The following RBFOX1 variants were observed in gnomAD, a reference collection of about 807,000 sequenced individuals.
The protein encoded by RBFOX1 is RNA binding fox-1 homolog 1, also known as RNA binding protein fox-1 homolog 1.
Under a neutral mutation model 57.7 loss-of-function variants are expected in RBFOX1, and 8 were observed. The observed-to-expected ratio is 0.14, with a 90% CI of 0.08 to 0.25. The LOEUF (loss-of-function observed/expected upper bound fraction) is 0.25, where lower values mean the gene tolerates loss of function less well. Among genes scored for constraint, RBFOX1 ranks in the 10% least tolerant of loss-of-function variants. The probability of loss-of-function intolerance (pLI) is 1.00; values close to 1 mark genes in which losing one functional copy is unlikely to be tolerated. For synonymous variants in RBFOX1, 326 were observed against 222.4 expected (o/e 1.47, Z -4.15); for missense variants, 611 against 548.5 (o/e 1.11, Z -1.14).
At chr16:6,619,701 T>C (rs1475731754) in intron 2 of RBFOX1, among the ~76,000 whole-genome samples, 1 of 151,292 alleles carries the variant, frequency 6.6e-6, no homozygotes, top group Non-Finnish European at 1.5e-5. Context: ...TTTTTTTTTT[T>C]TTTTTTTAAT....
intron 1 of RBFOX1, among the ~76,000 whole-genome samples, chr16:5,313,758 G>A (rs1054311126): frequency 6.6e-6 from 1 of 152,142 alleles, no homozygotes; most frequent in East Asian, 1.9e-4. Context: ...GAGAAAGACT[G>A]GCCCCCATGA....
chr16:7,437,817 C>T (rs893614078), intron 4 of RBFOX1, among the ~76,000 whole-genome samples: 1 of 151,238 alleles, frequency 6.6e-6, no homozygotes, highest in African/African-American at 2.4e-5. Flanking sequence ...ATGTGCTGGT[C>T]GGCCCCTTCT....
intron 4 of RBFOX1, among the ~76,000 whole-genome samples, chr16:7,352,451 A>G (rs1017505926): frequency 6.6e-6 from 1 of 152,144 alleles, no homozygotes; most frequent in African/African-American, 2.4e-5. Context: ...TACTCAGGTG[A>G]ATGTCATCTG....
intron 1 of RBFOX1, among the ~76,000 whole-genome samples, chr16:6,101,634 T>G (rs1012827995): frequency 6.6e-6 from 1 of 151,756 alleles, no homozygotes; most frequent in Admixed American, 6.6e-5. Context: ...TTACAGGCAC[T>G]GGCCACCAGG....
At chr16:5,688,178 A>G (rs2050561599) in intron 3 of RBFOX1, among the ~76,000 whole-genome samples, 1 of 152,216 alleles carries the variant, frequency 6.6e-6, no homozygotes, top group African/African-American at 2.4e-5. Flanking sequence ...AGGAGCTTGG[A>G]AGGCTAAATT....
chr16:7,410,578 G>T (rs929227574), intron 4 of RBFOX1, among the ~76,000 whole-genome samples: 4 of 152,318 alleles, frequency 2.6e-5, no homozygotes, highest in Admixed American at 2.6e-4. Flanking sequence ...TAAGGAGGCT[G>T]AGGCAGCAGA....
chr16:7,001,412 G>GTATATC (rs746357556), intron 3 of RBFOX1, among the ~76,000 whole-genome samples: 13,693 of 136,772 alleles, frequency 0.1, 1,073 homozygotes, highest in East Asian at 0.43. Flanking sequence ...ATATGTATAT[G>GTATATC]TATATGTATA....
In RBFOX1 at chr16:5,749,099, G is replaced by A. The variant is rs934015256; in HGVS notation, c.319-118204G>A. Among the ~76,000 whole-genome samples the A allele has an allele frequency of 1.1e-4, 17 of 152,162 alleles. 1 individual carries two copies. The highest frequency in any genetic ancestry group is 3.6e-4 in the African/African-American group (15 of 41,440). ...AAAATCTCTCAGGATTTGCTTGTCTGTAAAGGATTTTATTTCTCTTTCACT... is the reference window on the plus strand; with the variant it reads ...AAAATCTCTCAGGATTTGCTTGTCTATAAAGGATTTTATTTCTCTTTCACT... On this transcript the variant is annotated intron_variant, in intron 3 of 19. Coordinates refer to the RBFOX1 transcript ENST00000641259.
In RBFOX1 at chr16:7,487,723, T is replaced by G. The variant is rs573696961; in HGVS notation, c.28-30424T>G. The stretch of plus-strand genomic sequence containing the variant: ...TTCAAACCTCTCCATGCAGACACAT[T>G]CTCTGGAGCAGTCTGGATGCAGCTT... On this transcript the variant is annotated intron_variant, in intron 4 of 15. Transcript: ENST00000550418. 3.3e-5 allele frequency among the ~76,000 whole-genome samples: 5 copies of G among 152,176 alleles called. No individual in the cohort carries two copies. The South Asian group carries it at 1.0e-3, about 32-fold the overall frequency.
At chr16:6,379,294 G>T (rs1326863142) in intron 2 of RBFOX1, among the ~76,000 whole-genome samples, 1 of 152,102 alleles carries the variant, frequency 6.6e-6, no homozygotes, top group Non-Finnish European at 1.5e-5. Flanking sequence ...GCTTCCCTAG[G>T]AGAGAGGCAG....
intron 4 of RBFOX1, among the ~76,000 whole-genome samples, chr16:7,143,083 C>A (rs747305843): frequency 1.3e-5 from 2 of 152,012 alleles, no homozygotes; most frequent in Non-Finnish European, 2.9e-5. Flanking sequence ...TTTTTCCTTT[C>A]ATATAGCATT....
At chr16:7,172,262 T>A (rs547969713) in intron 4 of RBFOX1, among the ~76,000 whole-genome samples, 2 of 152,282 alleles carry the variant, frequency 1.3e-5, no homozygotes, top group Admixed American at 6.5e-5. Context: ...CATAGGGTTT[T>A]CAAACCCCAT....
At chr16:6,108,144 G>A (rs2096404326) in intron 1 of RBFOX1, among the ~76,000 whole-genome samples, 1 of 152,078 alleles carries the variant, frequency 6.6e-6, no homozygotes, top group South Asian at 2.1e-4. Context: ...TAATGACTAG[G>A]AATGTATTTT....
intron 2 of RBFOX1, among the ~76,000 whole-genome samples, chr16:5,559,362 T>G (rs1053844843): frequency 2.6e-5 from 4 of 152,184 alleles, no homozygotes; most frequent in African/African-American, 9.7e-5. Flanking sequence ...GCCATTTGTT[T>G]TGTAATCTGG....
intron 3 of RBFOX1, among the ~76,000 whole-genome samples, chr16:6,709,254 G>T (rs570959729): frequency 3.8e-4 from 58 of 152,232 alleles, no homozygotes; most frequent in African/African-American, 1.3e-3. Flanking sequence ...CACACGAGCG[G>T]ATGCAATTAT....
intron 3 of RBFOX1, among the ~76,000 whole-genome samples, chr16:6,765,448 A>G (rs966382898): frequency 1.3e-5 from 2 of 152,198 alleles, no homozygotes; most frequent in African/African-American, 4.8e-5. Context: ...TACCTGGGCA[A>G]TGAAATAATC....
At chr16:6,658,365 T>A (rs1223335872) in intron 3 of RBFOX1, among the ~76,000 whole-genome samples, 1 of 151,774 alleles carries the variant, frequency 6.6e-6, no homozygotes, top group African/African-American at 2.4e-5. Context: ...CTCAGCCTCC[T>A]GCCTGGCTAA....
intron 3 of RBFOX1, among the ~76,000 whole-genome samples, chr16:6,791,364 C>G (rs996621025): frequency 1.3e-5 from 2 of 152,140 alleles, no homozygotes; most frequent in African/African-American, 2.4e-5. Flanking sequence ...CAAATTATTT[C>G]TCTTTCCAGG....
chr16:7,693,415 C>CGT, intron 14 of RBFOX1: 1 of 973,508 alleles, frequency 1.0e-6, no homozygotes, highest in Admixed American at 3.3e-5. Context: ...GTCTCAGTAT[C>CGT]CTTTTTTTTT....
Sources: allele counts gnomAD v4.1 joint callset (sites outside exome capture counted in the v4.1 genomes callset), GRCh38; gene constraint gnomAD v4.1.1; transcripts MANE v1.5; gene names NCBI Gene and HGNC (gene_info 2026-07-23, HGNC 2026-07-21).